Variants in DCDC1 observed in about 807,000 individuals in gnomAD.
The protein encoded by DCDC1 is doublecortin domain containing 1, also known as doublecortin domain-containing protein 1.
A neutral mutation model predicts 178.3 loss-of-function variants in DCDC1; 200 were observed. The observed-to-expected ratio is 1.12, with a 90% CI of 1.00 to 1.26. The LOEUF is 1.26. Among genes scored for constraint, DCDC1 ranks in the 50% most tolerant of loss-of-function variants. DCDC1 has a pLI of 0.00. For synonymous variants in DCDC1, 690 were observed against 604.8 expected, an observed-to-expected ratio of 1.14 and a Z score of -2.07; for missense variants, 1,983 against 1,749.2, an observed-to-expected ratio of 1.13 and a Z score of -2.38.
At chr11:31,244,678 T>G (rs1016178710) in intron 8 of DCDC1, among the ~76,000 whole-genome samples, 1 of 151,776 alleles carries the variant, frequency 6.6e-6, no homozygotes, top group African/African-American at 2.4e-5. Context: ...CATTTCATAT[T>G]AAATGGTTTG....
At chr11:31,177,103 C>T (rs910304520) in intron 9 of DCDC1, among the ~76,000 whole-genome samples, 2 of 151,834 alleles carry the variant, frequency 1.3e-5, no homozygotes, top group Non-Finnish European at 2.9e-5. Context: ...CAATTAATGG[C>T]TCAGGAACAT....
chr11:31,187,290 G>A (rs1225204165), intron 9 of DCDC1, among the ~76,000 whole-genome samples: 1 of 152,140 alleles, frequency 6.6e-6, no homozygotes, highest in Non-Finnish European at 1.5e-5. Flanking sequence ...AAAGGTAACT[G>A]GAGATTTAAT....
rs555247500 is a variant in DCDC1, at chr11:31,363,706, A to G, written c.-125+5991T>C. Among the ~76,000 whole-genome samples, 188 of 152,338 alleles carry G rather than the reference A, an allele frequency of 1.2e-3. 1 individual carries two copies. The highest frequency in any genetic ancestry group is 1.9e-3 in the Non-Finnish European group (131 of 68,020). On this transcript the variant is annotated intron_variant, in intron 1 of 38. Transcript: ENST00000684477. ...AGACTTCAAATCAACTGTTTAACACATTTTAACCCACAAATTAACACCCCT... is the reference window on the plus strand; with the variant it reads ...AGACTTCAAATCAACTGTTTAACACGTTTTAACCCACAAATTAACACCCCT...
intron 17 of DCDC1, among the ~76,000 whole-genome samples, chr11:31,082,520 T>C (rs1043654527): frequency 6.6e-6 from 1 of 152,084 alleles, no homozygotes; most frequent in African/African-American, 2.4e-5. Context: ...AATGTCTATA[T>C]AGGTAATATA....
intron 20 of DCDC1, among the ~76,000 whole-genome samples, chr11:30,956,520 T>A (rs76851799): frequency 6.6e-6 from 1 of 152,342 alleles, no homozygotes; most frequent in African/African-American, 2.4e-5. Context: ...GTATTTATAG[T>A]TCACATATCC....
intron 8 of DCDC1, among the ~76,000 whole-genome samples, chr11:31,260,578 A>T (rs1944715671): frequency 6.6e-6 from 1 of 152,214 alleles, no homozygotes; most frequent in African/African-American, 2.4e-5. Flanking sequence ...TAGTATTCTA[A>T]CTCATTTCAG....
chr11:31,329,309 TA>T lies in DCDC1; in HGVS notation c.-6-1024del, dbSNP rs1209427614. 1.2e-4 allele frequency among the ~76,000 whole-genome samples: 18 copies of T among 152,240 alleles called. No individual in the cohort carries two copies. The East Asian group carries it at 3.5e-3, about 29-fold the overall frequency. On this transcript the variant is annotated intron_variant, in intron 2 of 38. Transcript: ENST00000684477. The stretch of plus-strand genomic sequence containing the variant: ...ATTTGAATCCCTGAGACCAGCTATT[TA>T]AAAAAACCACCTCTTTAGTTTCCTA...
intron 9 of DCDC1, among the ~76,000 whole-genome samples, chr11:31,225,384 G>T (rs757311122): frequency 2.7e-5 from 4 of 146,990 alleles, no homozygotes; most frequent in Non-Finnish European, 6.0e-5. Flanking sequence ...AGTTGGGGGG[G>T]AGTGAAGGTT....
At position 31,049,236 on chromosome 11, in the gene DCDC1, C is replaced by T. The variant is rs376005524; in HGVS notation, c.2591+15233G>A. On this transcript the variant is annotated intron_variant, in intron 20 of 38. Transcript: ENST00000684477. Reference sequence around the variant, plus strand: ...TTTATAAAATAGAAAGGAATAAAGACGGTAACTTGACAGGCCATGAAGTCA... The same window carrying T: ...TTTATAAAATAGAAAGGAATAAAGATGGTAACTTGACAGGCCATGAAGTCA... Among the ~76,000 whole-genome samples the T allele has an allele frequency of 8.5e-5, 13 of 152,196 alleles. No homozygotes were observed. In the South Asian group the frequency reaches 1.2e-3, roughly 15 times the overall value.
At chr11:31,082,265 T>A (rs1957224578) in intron 17 of DCDC1, among the ~76,000 whole-genome samples, 1 of 152,146 alleles carries the variant, frequency 6.6e-6, no homozygotes, top group South Asian at 2.1e-4. Context: ...CTTTAGTAGA[T>A]CACTTAGTCT....
intron 9 of DCDC1, among the ~76,000 whole-genome samples, chr11:31,213,655 G>T (rs573336965): frequency 6.6e-6 from 1 of 151,652 alleles, no homozygotes; most frequent in African/African-American, 2.4e-5. Context: ...GGGAGATGGA[G>T]GTTGCAGTTA....
intron 20 of DCDC1, among the ~76,000 whole-genome samples, chr11:31,030,485 G>A (rs1953549057): frequency 6.6e-6 from 1 of 152,218 alleles, no homozygotes; most frequent in Non-Finnish European, 1.5e-5. Flanking sequence ...ACAAAATTAT[G>A]TATTTCCTTT....
At chr11:30,871,264 A>G (rs1226830003) in intron 38 of DCDC1, among the ~76,000 whole-genome samples, 1 of 152,156 alleles carries the variant, frequency 6.6e-6, no homozygotes, top group African/African-American at 2.4e-5. Flanking sequence ...GAAAATTCAC[A>G]TGAGGACCAA....
At chr11:31,208,603 T>G (rs1478401156) in intron 9 of DCDC1, among the ~76,000 whole-genome samples, 1 of 152,048 alleles carries the variant, frequency 6.6e-6, no homozygotes, top group Non-Finnish European at 1.5e-5. Flanking sequence ...CTCAATACTT[T>G]CCAAGAGTAA....
At chr11:31,088,652 T>C (rs999887449) in intron 17 of DCDC1, among the ~76,000 whole-genome samples, 2 of 152,192 alleles carry the variant, frequency 1.3e-5, no homozygotes, top group Admixed American at 6.6e-5. Flanking sequence ...ATTATTATTA[T>C]CACTATTGCT....
chr11:31,191,006 T>C (rs541781495), intron 9 of DCDC1, among the ~76,000 whole-genome samples: 61 of 152,224 alleles, frequency 4.0e-4, no homozygotes, highest in Middle Eastern at 3.4e-3. Flanking sequence ...AGTATTTGCA[T>C]ACAGCCTAGG....
chr11:31,196,396 A>T (rs1970698415), intron 9 of DCDC1, among the ~76,000 whole-genome samples: 1 of 151,804 alleles, frequency 6.6e-6, no homozygotes, highest in African/African-American at 2.4e-5. Context: ...GTTGCACAAG[A>T]CTATCCACCC....
At chr11:30,985,196 G>T (rs1179747414) in intron 20 of DCDC1, among the ~76,000 whole-genome samples, 2 of 152,154 alleles carry the variant, frequency 1.3e-5, no homozygotes, top group Non-Finnish European at 2.9e-5. Context: ...AATCTTAAAA[G>T]ATTTTAAGGT....
At chr11:30,893,595 T>C (rs1293777882) in intron 35 of DCDC1, among the ~76,000 whole-genome samples, 1 of 152,204 alleles carries the variant, frequency 6.6e-6, no homozygotes, top group African/African-American at 2.4e-5. Flanking sequence ...TCTAGGGATG[T>C]CAATTCCTTT....
Sources: gnomAD v4.1 joint callset for allele counts (sites outside exome capture counted in the v4.1 genomes callset) on GRCh38, gnomAD v4.1.1 for gene constraint, MANE v1.5 for transcripts, NCBI Gene and HGNC (gene_info 2026-07-23, HGNC 2026-07-21) for gene names.